The following ALPK1 variants were observed in gnomAD, a reference collection of about 807,000 sequenced individuals.
ALPK1 encodes alpha-protein kinase 1.
Under a neutral mutation model 120.6 loss-of-function variants are expected in ALPK1, and 110 were observed. That is an observed-to-expected ratio of 0.91 (90% CI 0.78 to 1.07). ALPK1 has a LOEUF of 1.07. Ranked by LOEUF, ALPK1 falls within the 50% of genes least tolerant of loss-of-function variation. The pLI, the probability that ALPK1 is intolerant of heterozygous loss-of-function variation, is 0.00. For missense variants in ALPK1, 1,498 were observed against 1,483.9 expected (o/e 1.01, Z -0.16); for synonymous variants, 582 against 560.3 (o/e 1.04, Z -0.55).
intron 3 of ALPK1, among the ~76,000 whole-genome samples, chr4:112,381,234 C>G (rs978803616): frequency 1.3e-5 from 2 of 152,158 alleles, no homozygotes; most frequent in Admixed American, 6.5e-5. Context: ...GATTTGACAA[C>G]CAATTAGGTT....
intron 5 of ALPK1, among the ~76,000 whole-genome samples, chr4:112,421,749 C>T (rs901374293): frequency 9.2e-5 from 14 of 152,156 alleles, no homozygotes; most frequent in Non-Finnish European, 1.6e-4. Flanking sequence ...CTATCACGCA[C>T]GGTAGCCATA....
chr4:112,349,699 G>A (rs1560647942), intron 2 of ALPK1, among the ~76,000 whole-genome samples: 1 of 151,990 alleles, frequency 6.6e-6, no homozygotes, highest in Non-Finnish European at 1.5e-5. Context: ...GACTACAGGC[G>A]TGTACCACCA....
At chr4:112,427,886 A>G in intron 9 of ALPK1, 1 of 385,390 alleles carries the variant, frequency 2.6e-6, no homozygotes, top group East Asian at 3.7e-5. Context: ...GAGTGCTCAG[A>G]AAGTTACTGG....
In ALPK1 at chr4:112,423,880, C is replaced by A; in HGVS notation, c.476-64C>A. 3.9e-6 allele frequency: 6 copies of A among 1,530,176 alleles called. No individual in the cohort carries two copies. In the South Asian group the frequency reaches 5.6e-5, roughly 14 times the overall value. 94.8% of individuals were successfully genotyped at this position (1,530,176 alleles called of 1,614,324 possible). On this transcript the variant is annotated intron_variant, in intron 5 of 15. Coordinates refer to ENST00000650871, the MANE Select transcript of ALPK1 (RefSeq NM_025144.4). ...CAATATATCAGTCTTAGAACATGAA[C>A]AACTTGTAATTGTTAAGTGCATGTT...
intron 2 of ALPK1, among the ~76,000 whole-genome samples, chr4:112,342,439 T>G (rs1729903567): frequency 6.6e-6 from 1 of 152,250 alleles, no homozygotes; most frequent in Non-Finnish European, 1.5e-5. Context: ...TGCCTCTTGA[T>G]AGTCTACTTT....
chr4:112,434,330 C>A (rs1734700660), intron 11 of ALPK1, among the ~76,000 whole-genome samples: 1 of 152,218 alleles, frequency 6.6e-6, no homozygotes, highest in African/African-American at 2.4e-5. Flanking sequence ...CCCTGGTCAC[C>A]ATCCCGCCCA....
chr4:112,440,452 C>G (rs1734985359), intron 14 of ALPK1, among the ~76,000 whole-genome samples: 1 of 152,004 alleles, frequency 6.6e-6, no homozygotes, highest in Non-Finnish European at 1.5e-5. Flanking sequence ...AGATTTTTTA[C>G]TAGCTTGTTC....
intron 2 of ALPK1, among the ~76,000 whole-genome samples, chr4:112,341,841 G>A (rs751318925): frequency 1.6e-4 from 24 of 152,256 alleles, no homozygotes; most frequent in African/African-American, 4.8e-4. Flanking sequence ...ACAAAATTAC[G>A]TTTGGTATTA....
intron 2 of ALPK1, among the ~76,000 whole-genome samples, chr4:112,334,083 A>G (rs1425250124): frequency 1.3e-5 from 2 of 152,160 alleles, no homozygotes; most frequent in African/African-American, 4.8e-5. Context: ...CAAGATACAG[A>G]ACAAATTTCC....
chr4:112,397,240 G>A (rs943494968), intron 4 of ALPK1, among the ~76,000 whole-genome samples: 2 of 152,190 alleles, frequency 1.3e-5, no homozygotes, highest in Non-Finnish European at 2.9e-5. Context: ...CTTCGTAAAA[G>A]TAGTCCCAAT....
At chr4:112,311,876 G>A (rs766935706) in intron 1 of ALPK1, among the ~76,000 whole-genome samples, 5 of 152,174 alleles carry the variant, frequency 3.3e-5, no homozygotes, top group Non-Finnish European at 5.9e-5. Flanking sequence ...TTAAAGTAAG[G>A]CTGAAAGAAA....
chr4:112,364,856 C>A (rs564660688), intron 2 of ALPK1, among the ~76,000 whole-genome samples: 1 of 152,260 alleles, frequency 6.6e-6, no homozygotes, highest in South Asian at 2.1e-4. Context: ...AGATAATCCA[C>A]CATGATCAGG....
intron 4 of ALPK1, among the ~76,000 whole-genome samples, chr4:112,403,071 C>T (rs1732994276): frequency 6.6e-6 from 1 of 151,990 alleles, no homozygotes; most frequent in Non-Finnish European, 1.5e-5. Context: ...GGGAGAGGGG[C>T]TCTCTTTCAT....
chr4:112,373,265 A>G (rs1361139587), intron 2 of ALPK1, among the ~76,000 whole-genome samples: 1 of 152,122 alleles, frequency 6.6e-6, no homozygotes, highest in African/African-American at 2.4e-5. Context: ...TAGCTCTTTT[A>G]TCAGCTCACT....
intron 2 of ALPK1, among the ~76,000 whole-genome samples, chr4:112,342,461 T>C (rs1438842588): frequency 6.6e-6 from 1 of 152,244 alleles, no homozygotes; most frequent in Non-Finnish European, 1.5e-5. Flanking sequence ...TAATTTAGAA[T>C]GATCTAGATG....
chr4:112,333,133 C>T (rs2148701931), intron 2 of ALPK1, among the ~76,000 whole-genome samples: 1 of 152,310 alleles, frequency 6.6e-6, no homozygotes, highest in East Asian at 1.9e-4. Flanking sequence ...CCTTAGTGTA[C>T]TGCCCATGTA....
At chr4:112,392,473 A>G (rs563256925) in intron 4 of ALPK1, among the ~76,000 whole-genome samples, 9 of 152,270 alleles carry the variant, frequency 5.9e-5, no homozygotes, top group African/African-American at 1.9e-4. Context: ...TTCTTAGAAT[A>G]TTATTATTAT....
intron 4 of ALPK1, among the ~76,000 whole-genome samples, chr4:112,409,416 A>G (rs1018529808): frequency 6.6e-6 from 1 of 152,156 alleles, no homozygotes; most frequent in Non-Finnish European, 1.5e-5. Flanking sequence ...ATGGAGAAAT[A>G]AGACAAAAGA....
intron 2 of ALPK1, among the ~76,000 whole-genome samples, chr4:112,324,424 G>GTT (rs749545116): frequency 4.4e-4 from 67 of 152,104 alleles, no homozygotes; most frequent in Non-Finnish European, 7.4e-4. Flanking sequence ...AAATTCCCAG[G>GTT]TAAGGAGAGG....
Sources: allele counts gnomAD v4.1 joint callset (sites outside exome capture counted in the v4.1 genomes callset), GRCh38; gene constraint gnomAD v4.1.1; transcripts MANE v1.5; gene names NCBI Gene and HGNC (gene_info 2026-07-23, HGNC 2026-07-21).